Variants in ZNF449 observed in about 807,000 individuals in gnomAD.
The protein encoded by ZNF449 is zinc finger and SCAN domain-containing protein 19.
In ZNF449, 4 loss-of-function variants were observed where a neutral mutation model predicts 32.6. The observed-to-expected ratio is 0.12, with a 90% CI of 0.06 to 0.28. ZNF449 has a LOEUF of 0.28. Ranked by LOEUF, ZNF449 falls within the 10% of genes least tolerant of loss-of-function variation. The probability of loss-of-function intolerance (pLI) is 1.00; values close to 1 mark genes in which losing one functional copy is unlikely to be tolerated. For missense variants in ZNF449, 275 were observed against 383.2 expected, an observed-to-expected ratio of 0.72 and a Z score of 2.36; for synonymous variants, 123 against 132.2, an observed-to-expected ratio of 0.93 and a Z score of 0.48.
At chrX:135,350,276 C>T (rs1231121671) in intron 3 of ZNF449, among the ~76,000 whole-genome samples, 1 of 111,363 alleles carries the variant, frequency 9.0e-6, no homozygotes, top group Non-Finnish European at 1.9e-5. Flanking sequence ...TGAGCCATTA[C>T]ACCCGGCTTC....
chrX:135,352,336 T>C (rs1556450603), intron 3 of ZNF449, among the ~76,000 whole-genome samples: 1 of 112,212 alleles, frequency 8.9e-6, no homozygotes, highest in Non-Finnish European at 1.9e-5. Context: ...TAAAGTGACC[T>C]AAGGAAGACA....
chrX:135,347,045 C>A lies in ZNF449; in HGVS notation c.-74C>A. The A allele has an allele frequency of 9.3e-7, 1 of 1,077,709 alleles. No individual in the cohort carries two copies. Among genetic ancestry groups the A allele is most frequent in the Non-Finnish European group, 1.2e-6 (1 of 803,521 alleles). The allele number at this position is 1,077,709 out of a possible 1,213,427, so 88.8% of individuals were successfully genotyped here. A position where few individuals can be genotyped will look rare whatever the true frequency, so the allele number is the denominator to read the frequency against. On this transcript the variant is annotated 5_prime_UTR_variant, in exon 2 of 5. Transcript: ENST00000339249. ...TGTAGGTGGCTCCCTCCCACCCCAA[C>A]GATTTCAGAGAGAAACAAGTCGGAA...
intron 2 of ZNF449, 171 bp from the exon 3 acceptor site, chrX:135,348,939 G>T (rs1423170972): frequency 3.2e-6 from 3 of 926,681 alleles, no homozygotes; most frequent in Middle Eastern, 3.0e-4. Flanking sequence ...TTGAAATCCT[G>T]ATTGTTTGCA....
Position 135,361,203 on chromosome X carries a change from TA to T in ZNF449, c.*128del. ...TAAGAACATAGACAGCTTTTTTTTTTACTAGTTTTAAAACCCATCTTCCAAG... is the reference window on the plus strand; with the variant it reads ...TAAGAACATAGACAGCTTTTTTTTTTCTAGTTTTAAAACCCATCTTCCAAG... On this transcript the variant is annotated 3_prime_UTR_variant, in exon 5 of 5. Coordinates refer to ENST00000339249, the MANE Select transcript of ZNF449 (RefSeq NM_152695.6). 4 of 537,485 alleles carry T rather than the reference TA, an allele frequency of 7.4e-6. No individual in the cohort carries two copies. The highest frequency in any genetic ancestry group is 1.1e-5 in the Non-Finnish European group (4 of 352,221). The allele number at this position is 537,485 out of a possible 1,213,427, so 44.3% of individuals were successfully genotyped here.
At chrX:135,351,208 G>A (rs1361173655) in intron 3 of ZNF449, among the ~76,000 whole-genome samples, 1 of 112,061 alleles carries the variant, frequency 8.9e-6, no homozygotes, top group Non-Finnish European at 1.9e-5. Context: ...ACTGAAAGCA[G>A]GGACCCCATT....
intron 3 of ZNF449, among the ~76,000 whole-genome samples, chrX:135,354,040 G>A (rs782738967): frequency 6.2e-5 from 7 of 112,115 alleles, no homozygotes; most frequent in African/African-American, 1.3e-4. Flanking sequence ...AAGCCATGGA[G>A]CCAAACTAGA....
intron 2 of ZNF449, chrX:135,348,126 A>T: frequency 7.7e-6 from 1 of 129,395 alleles, no homozygotes; most frequent in Admixed American, 8.6e-5. Context: ...AAGCTCAAGT[A>T]CTACGAACAG....
chrX:135,347,857 A>T, intron 2 of ZNF449: 3 of 355,389 alleles, frequency 8.4e-6, no homozygotes, highest in Non-Finnish European at 1.5e-5. Flanking sequence ...GGTCATTGAA[A>T]AAAAGAGGAA....
intron 3 of ZNF449, among the ~76,000 whole-genome samples, chrX:135,351,311 A>G (rs1569497474): frequency 9.0e-6 from 1 of 110,798 alleles, no homozygotes; most frequent in African/African-American, 3.3e-5. Context: ...TTCAAAAGAT[A>G]CTTAGCAGGT....
At chrX:135,352,186 G>A (rs1556450587) in intron 3 of ZNF449, among the ~76,000 whole-genome samples, 1 of 112,143 alleles carries the variant, frequency 8.9e-6, no homozygotes, top group African/African-American at 3.2e-5. Context: ...TTATATTAAT[G>A]TTTGGAACCT....
At position 135,362,884 on chromosome X, in the gene ZNF449, G is replaced by C. The variant is rs1311989167; in HGVS notation, c.*1808G>C. ...TAAGTGCCAATTATACCAATTGCTA[G>C]ACCCAGGATGTATCTTTAATTCTTG... On this transcript the variant is annotated 3_prime_UTR_variant, in exon 5 of 5. Transcript: ENST00000339249. 1 of 112,026 alleles carries C rather than the reference G, an allele frequency of 8.9e-6. No individual in the cohort carries two copies. The highest frequency in any genetic ancestry group is 1.9e-5 in the Non-Finnish European group (1 of 53,158). 9.2% of individuals were successfully genotyped at this position (112,026 alleles called of 1,213,427 possible). A position where few individuals can be genotyped will look rare whatever the true frequency, so the allele number is the denominator to read the frequency against.
intron 3 of ZNF449, among the ~76,000 whole-genome samples, chrX:135,349,863 G>A (rs1226806314): frequency 2.7e-5 from 3 of 111,827 alleles, no homozygotes; most frequent in Non-Finnish European, 5.6e-5. Flanking sequence ...GCAGGTGAGT[G>A]CTACACACAC....
rs184184897 is a variant in ZNF449 at position 135,359,230 on chromosome X, G to C, written c.560-662G>C. ...TGTAAGCAACACCAGCTGTCAATGA[G>C]GAGAGGGGTGGTCAGACAAGGCGAG... On this transcript the variant is annotated intron_variant, in intron 3 of 4. Transcript: ENST00000339249. Among the ~76,000 whole-genome samples the C allele has an allele frequency of 3.6e-5, 4 of 111,546 alleles. No individual in the cohort carries two copies. In the East Asian group the frequency reaches 1.1e-3, roughly 31 times the overall value.
chrX:135,361,357 T>A lies in ZNF449; in HGVS notation c.*281T>A. 4.2e-6 allele frequency: 1 copy of A among 240,094 alleles called. No individual in the cohort carries two copies. The highest frequency in any genetic ancestry group is 7.4e-6 in the Non-Finnish European group (1 of 135,272). The allele number at this position is 240,094 out of a possible 1,213,427, so 19.8% of individuals were successfully genotyped here. A position where few individuals can be genotyped will look rare whatever the true frequency, so the allele number is the denominator to read the frequency against. On this transcript the variant is annotated 3_prime_UTR_variant, in exon 5 of 5. Coordinates refer to ENST00000339249, the MANE Select transcript of ZNF449 (RefSeq NM_152695.6). ...TGTTCCAAGGCAACTGTATCATAGG[T>A]GTAAACATAAAGCATATAAATTATG... is the stretch of plus-strand genomic sequence containing the variant.
intron 2 of ZNF449, chrX:135,348,596 T>G: frequency 3.1e-6 from 1 of 323,435 alleles, no homozygotes; most frequent in Non-Finnish European, 4.9e-6. Flanking sequence ...GTCTTGTCTA[T>G]GGGGGTTCTC....
Position 135,344,822 on chromosome X carries a change from T to C in ZNF449, c.-114T>C, listed in dbSNP as rs1267693709. 5 of 113,039 alleles carry C rather than the reference T, an allele frequency of 4.4e-5. No individual in the cohort carries two copies. Among genetic ancestry groups the C allele is most frequent in the Non-Finnish European group, 7.5e-5 (4 of 53,266 alleles). The allele number at this position is 113,039 out of a possible 1,213,427, so 9.3% of individuals were successfully genotyped here. ...GTTGCCGGTGAGCTTGGGAGAACCG[T>C]GGGCGCTGAGGCGGTGAGTCCCCGA... On this transcript the variant is annotated 5_prime_UTR_variant, in exon 1 of 5. Transcript: ENST00000339249.
intron 3 of ZNF449, among the ~76,000 whole-genome samples, chrX:135,359,053 A>G (rs183128827): frequency 3.6e-5 from 4 of 112,045 alleles, no homozygotes; most frequent in African/African-American, 6.5e-5. Context: ...CATTAGTCAA[A>G]CTAAATTCCT....
chrX:135,361,148 G>A lies in ZNF449; in HGVS notation c.*72G>A, dbSNP rs1354616738. 1 of 965,923 alleles carries A rather than the reference G, an allele frequency of 1.0e-6. No homozygotes were observed. The highest frequency in any genetic ancestry group is 1.4e-6 in the Non-Finnish European group (1 of 719,489). 79.6% of individuals were successfully genotyped at this position (965,923 alleles called of 1,213,427 possible). A position where few individuals can be genotyped will look rare whatever the true frequency, so the allele number is the denominator to read the frequency against. On this transcript the variant is annotated 3_prime_UTR_variant, in exon 5 of 5. Coordinates refer to ENST00000339249, the MANE Select transcript of ZNF449 (RefSeq NM_152695.6). ...AAAAAATCTTAACCTGCAGCAGGCT[G>A]TTTGTCTTGGAAGCTTTTGTTTGAG...
chrX:135,347,057 GAAAC>G lies in ZNF449; in HGVS notation c.-59_-56del, dbSNP rs782708670. 3 of 1,103,477 alleles carry G rather than the reference GAAAC, an allele frequency of 2.7e-6. No homozygotes were observed. In the South Asian group the frequency reaches 6.5e-5, roughly 24 times the overall value. The allele number at this position is 1,103,477 out of a possible 1,213,427, so 90.9% of individuals were successfully genotyped here. On this transcript the variant is annotated 5_prime_UTR_variant, in exon 2 of 5. Transcript: ENST00000339249. The stretch of plus-strand genomic sequence containing the variant: ...CCTCCCACCCCAACGATTTCAGAGA[GAAAC>G]AAGTCGGAATCTGAGAAGTGAGGCT...
Sources: gnomAD v4.1 joint callset for allele counts (sites outside exome capture counted in the v4.1 genomes callset) on GRCh38, gnomAD v4.1.1 for gene constraint, MANE v1.5 for transcripts, NCBI Gene and HGNC (gene_info 2026-07-23, HGNC 2026-07-21) for gene names.